The following ZFYVE1 variants were observed in gnomAD, a reference collection of about 807,000 sequenced individuals.
ZFYVE1 encodes the protein zinc finger FYVE domain-containing protein 1.
ZFYVE1 carries 30 observed loss-of-function variants against 74.4 expected under a neutral mutation model. The ratio of observed to expected loss-of-function variants is 0.40; its 90% CI spans 0.30 to 0.55. ZFYVE1 has a LOEUF of 0.55. Ranked by LOEUF, ZFYVE1 falls within the 20% of genes least tolerant of loss-of-function variation. ZFYVE1 has a pLI of 0.42. For synonymous variants in ZFYVE1, 335 were observed against 385.1 expected, an observed-to-expected ratio of 0.87 and a Z score of 1.52; for missense variants, 703 against 1,011.6, an observed-to-expected ratio of 0.69 and a Z score of 4.14.
At chr14:72,996,746 C>T (rs1259875748) in intron 3 of ZFYVE1, among the ~76,000 whole-genome samples, 1 of 152,180 alleles carries the variant, frequency 6.6e-6, no homozygotes, top group South Asian at 2.1e-4. Context: ...CCTGTAAGTA[C>T]GGAGGTATGC....
intron 4 of ZFYVE1, 25 bp downstream of exon 4, chr14:72,993,118 G>A: frequency 6.4e-7 from 1 of 1,558,520 alleles, no homozygotes. Flanking sequence ...CCAATGAGAA[G>A]CCCTTGGGGC....
At chr14:72,977,452 T>G (rs1206842515) in intron 8 of ZFYVE1, among the ~76,000 whole-genome samples, 1 of 152,100 alleles carries the variant, frequency 6.6e-6, no homozygotes, top group Admixed American at 6.5e-5. Context: ...GGAATCCCAC[T>G]TCTTAGAATA....
chr14:73,019,772 T>C (rs140270510), intron 2 of ZFYVE1, among the ~76,000 whole-genome samples: 2,692 of 151,056 alleles, frequency 0.018, 58 homozygotes, highest in East Asian at 0.048. Flanking sequence ...ACCAACAAGG[T>C]GAAACCCCGT....
intron 2 of ZFYVE1, 139 bp downstream of exon 2, chr14:73,023,887 C>T (rs142673112): frequency 8.2e-7 from 1 of 1,224,934 alleles, no homozygotes; most frequent in African/African-American, 1.5e-5. Context: ...AATCTGACTC[C>T]ATGCAACTAA....
At chr14:72,996,315 G>A (rs1893747483) in intron 3 of ZFYVE1, among the ~76,000 whole-genome samples, 1 of 152,208 alleles carries the variant, frequency 6.6e-6, no homozygotes, top group Non-Finnish European at 1.5e-5. Flanking sequence ...GATCACATTG[G>A]ATGCTACATG....
Position 72,985,749 on chromosome 14 carries a change from T to TA in ZFYVE1, c.1204-3855dup, listed in dbSNP as rs111464416. On this transcript the variant is annotated intron_variant, in intron 4 of 11. Transcript: ENST00000556143. ...ACACCAAAGAATAGCAATTATTATTTAAAAAAAAAAAAAGAATAGCAAATT... is the reference window on the plus strand; with the variant it reads ...ACACCAAAGAATAGCAATTATTATTTAAAAAAAAAAAAAAGAATAGCAAATT... Among the ~76,000 whole-genome samples the TA allele has an allele frequency of 3.3e-3, 477 of 143,730 alleles. 3 individuals carry two copies. The highest frequency in any genetic ancestry group is 5.0e-3 in the Non-Finnish European group (325 of 65,488). 94.3% of individuals were successfully genotyped at this position (143,730 alleles called of 152,430 possible).
intron 2 of ZFYVE1, among the ~76,000 whole-genome samples, chr14:73,001,088 G>A (rs1893860114): frequency 6.6e-6 from 1 of 152,142 alleles, no homozygotes; most frequent in Non-Finnish European, 1.5e-5. Flanking sequence ...CTTCAGAGGG[G>A]GCTTTGAATG....
intron 5 of ZFYVE1, among the ~76,000 whole-genome samples, chr14:72,981,388 G>T (rs569149361): frequency 6.6e-6 from 1 of 152,150 alleles, no homozygotes; most frequent in Admixed American, 6.5e-5. Context: ...GTTTTGCACA[G>T]GGGGGGCACT....
chr14:73,025,758 G>A (rs1894447257), intron 1 of ZFYVE1, among the ~76,000 whole-genome samples: 2 of 147,312 alleles, frequency 1.4e-5, no homozygotes, highest in South Asian at 4.4e-4. Context: ...GACAACAAAC[G>A]CCACCTCTAG....
chr14:72,990,555 C>T (rs1300561633), intron 4 of ZFYVE1, among the ~76,000 whole-genome samples: 9 of 151,786 alleles, frequency 5.9e-5, no homozygotes, highest in East Asian at 1.9e-4. Context: ...CACCACCACG[C>T]GCAGCTAATT....
At chr14:72,977,738 T>A (rs1893212268) in intron 8 of ZFYVE1, among the ~76,000 whole-genome samples, 189 bp downstream of exon 8, 1 of 152,152 alleles carries the variant, frequency 6.6e-6, no homozygotes, top group Admixed American at 6.6e-5. Flanking sequence ...TTCTAATATA[T>A]ATGCAAGAAA....
chr14:73,011,982 G>A (rs1030985443), intron 2 of ZFYVE1, among the ~76,000 whole-genome samples: 7 of 151,884 alleles, frequency 4.6e-5, no homozygotes, highest in African/African-American at 9.7e-5. Context: ...TTGGGAGGCC[G>A]AGGCAGAAGG....
chr14:72,982,254 G>A (rs904084805), intron 4 of ZFYVE1, among the ~76,000 whole-genome samples: 8 of 152,100 alleles, frequency 5.3e-5, no homozygotes, highest in Admixed American at 2.6e-4. Flanking sequence ...CACGAGGATG[G>A]CTCCTCTTTA....
At chr14:72,979,072 T>G in intron 5 of ZFYVE1, 103 bp from the exon 6 acceptor site, 1 of 965,080 alleles carries the variant, frequency 1.0e-6, no homozygotes, top group East Asian at 2.4e-5. Flanking sequence ...CGACCAGACC[T>G]TGATTACTAA....
At chr14:72,974,013 A>G in intron 11 of ZFYVE1, 67 bp downstream of exon 11, 1 of 1,421,682 alleles carries the variant, frequency 7.0e-7, no homozygotes, top group African/African-American at 1.4e-5. Flanking sequence ...ACAAAGTGAC[A>G]GCCCAGGGCA....
rs150527824 is a variant in ZFYVE1 at position 72,981,486 on chromosome 14, C to T, written c.1310+303G>A. Among the ~76,000 whole-genome samples the T allele has an allele frequency of 6.0e-3, 916 of 152,226 alleles. 12 individuals are homozygous for T. The highest frequency in any genetic ancestry group is 0.021 in the African/African-American group (868 of 41,546). ...CACAGAAAAGCAGGCAACCCAAAGT[C>T]TTCTGCCCTAAAAACCTCCCAAACC... On this transcript the variant is annotated intron_variant, in intron 5 of 11. Transcript: ENST00000556143.
intron 4 of ZFYVE1, among the ~76,000 whole-genome samples, chr14:72,990,674 G>A (rs1412099982): frequency 7.2e-6 from 1 of 138,510 alleles, no homozygotes; most frequent in Non-Finnish European, 1.5e-5. Context: ...AAGGGCGTGA[G>A]CCACCGCACC....
intron 4 of ZFYVE1, among the ~76,000 whole-genome samples, chr14:72,985,634 G>A (rs902101775): frequency 1.3e-5 from 2 of 151,110 alleles, no homozygotes; most frequent in African/African-American, 4.9e-5. Flanking sequence ...ACCTGGCCAA[G>A]ATGCTGAAGT....
At chr14:73,023,363 A>ATGTTTTATATATAATATATTTTATATG (rs1567366978) in intron 2 of ZFYVE1, among the ~76,000 whole-genome samples, 2 of 55,794 alleles carry the variant, frequency 3.6e-5, no homozygotes, top group East Asian at 3.5e-4. Context: ...TATATTATAT[A>ATGTTTTATATATAATATATTTTATATG]TGTTTTATAT....
Sources: gnomAD v4.1 joint callset for allele counts (sites outside exome capture counted in the v4.1 genomes callset) on GRCh38, gnomAD v4.1.1 for gene constraint, MANE v1.5 for transcripts, NCBI Gene and HGNC (gene_info 2026-07-23, HGNC 2026-07-21) for gene names.